The following NOX4 variants were observed in gnomAD, a reference collection of about 807,000 sequenced individuals.
NOX4 encodes the protein kidney oxidase-1.
A neutral mutation model predicts 87.6 loss-of-function variants in NOX4; 69 were observed. That is an observed-to-expected ratio of 0.79 (90% CI 0.65 to 0.96). The LOEUF (loss-of-function observed/expected upper bound fraction) is 0.96, where lower values mean the gene tolerates loss of function less well. Among genes scored for constraint, NOX4 ranks in the 40% least tolerant of loss-of-function variants. The pLI is 0.00. For synonymous variants in NOX4, 275 were observed against 238.2 expected (o/e 1.15, Z -1.42); for missense variants, 680 against 681.5 (o/e 1.00, Z 0.02).
chr11:89,371,652 T>A (rs1442047647), intron 12 of NOX4, among the ~76,000 whole-genome samples: 5 of 151,832 alleles, frequency 3.3e-5, no homozygotes, highest in Admixed American at 2.6e-4. Flanking sequence ...AGAAAAGAAC[T>A]TTCCTTATTT....
chr11:89,437,740 A>G (rs138719159), intron 6 of NOX4, among the ~76,000 whole-genome samples: 145 of 152,220 alleles, frequency 9.5e-4, no homozygotes, highest in African/African-American at 2.6e-3. Context: ...AAGACAGTAC[A>G]TGTAAGGAAA....
At chr11:89,461,635 A>G (rs1945469122) in intron 2 of NOX4, among the ~76,000 whole-genome samples, 1 of 46,538 alleles carries the variant, frequency 2.1e-5, no homozygotes, top group Non-Finnish European at 3.9e-5. Flanking sequence ...AAAGAGCAAG[A>G]CTCCATCTCA....
At chr11:89,417,482 G>C (rs1421546325) in intron 8 of NOX4, among the ~76,000 whole-genome samples, 1 of 152,088 alleles carries the variant, frequency 6.6e-6, no homozygotes, top group Non-Finnish European at 1.5e-5. Flanking sequence ...AAATTCCTCA[G>C]GAGGAAGGCT....
At chr11:89,477,589 A>T (rs889664048) in intron 2 of NOX4, among the ~76,000 whole-genome samples, 1 of 152,130 alleles carries the variant, frequency 6.6e-6, no homozygotes, top group Non-Finnish European at 1.5e-5. Flanking sequence ...AAGAAAGTAA[A>T]AGGAAGTCTG....
At chr11:89,354,738 CTCAG>C (rs1177764548) in intron 13 of NOX4, among the ~76,000 whole-genome samples, 1 of 152,164 alleles carries the variant, frequency 6.6e-6, no homozygotes, top group African/African-American at 2.4e-5. Context: ...GCGGCAGCTC[CTCAG>C]TCAAAGCTGG....
intron 11 of NOX4, among the ~76,000 whole-genome samples, chr11:89,389,196 A>C (rs2135127730): frequency 6.6e-6 from 1 of 152,278 alleles, no homozygotes; most frequent in Non-Finnish European, 1.5e-5. Flanking sequence ...TCCTTGGAAA[A>C]CCCATCAAAT....
At chr11:89,581,277 C>A in the NOX4 span, among the ~76,000 whole-genome samples, 2 of 152,132 alleles carry the variant, frequency 1.3e-5, no homozygotes, top group African/African-American at 4.8e-5. Context: ...TTAAAAAACT[C>A]AAGGTTATTC....
the NOX4 span, among the ~76,000 whole-genome samples, chr11:89,526,019 A>G: frequency 6.6e-6 from 1 of 152,132 alleles, no homozygotes; most frequent in East Asian, 1.9e-4. Flanking sequence ...TTAACCATAT[A>G]TACGTGAGTC....
At chr11:89,486,472 G>GTC (rs1020206743) in intron 2 of NOX4, among the ~76,000 whole-genome samples, 10 of 147,492 alleles carry the variant, frequency 6.8e-5, no homozygotes, top group African/African-American at 2.5e-4. Flanking sequence ...ATATGTGTGT[G>GTC]TGTGTGTGTG....
rs199918408 is a variant in NOX4, at chr11:89,405,745, T to TAA, written c.630-3205_630-3204dup. On this transcript the variant is annotated intron_variant, in intron 8 of 17. Transcript: ENST00000263317. ...CAGTATTGAAAGGCCACCTACTGGT[T>TAA]AAAAAAGAAAAAAAAAAAAAAACTT... Among the ~76,000 whole-genome samples the TAA allele has an allele frequency of 1.4e-4, 15 of 110,548 alleles. 1 individual carries two copies. The highest frequency in any genetic ancestry group is 3.9e-4 in the African/African-American group (9 of 23,242). 72.5% of individuals were successfully genotyped at this position (110,548 alleles called of 152,430 possible). A position where few individuals can be genotyped will look rare whatever the true frequency, so the allele number is the denominator to read the frequency against.
chr11:89,583,031 A>G, the NOX4 span, among the ~76,000 whole-genome samples: 1 of 152,196 alleles, frequency 6.6e-6, no homozygotes, highest in Admixed American at 6.5e-5. Flanking sequence ...ATAACATTAA[A>G]ATAATCTACA....
intron 6 of NOX4, among the ~76,000 whole-genome samples, chr11:89,439,065 T>C (rs1944343245): frequency 7.4e-6 from 1 of 134,792 alleles, no homozygotes; most frequent in East Asian, 2.1e-4. Flanking sequence ...ATACTACTAA[T>C]AGTATAATAA....
chr11:89,432,634 G>C (rs1004061105), intron 7 of NOX4, 150 bp downstream of exon 7: 1 of 542,140 alleles, frequency 1.8e-6, no homozygotes, highest in Non-Finnish European at 3.3e-6. Context: ...GAAACAAGAA[G>C]TCATGTATAG....
chr11:89,539,056 A>C, the NOX4 span, among the ~76,000 whole-genome samples: 1 of 152,254 alleles, frequency 6.6e-6, no homozygotes, highest in South Asian at 2.1e-4. Context: ...TGCCTTCTGC[A>C]GGCCAAGAAG....
At chr11:89,483,621 G>C (rs1047261151) in intron 2 of NOX4, among the ~76,000 whole-genome samples, 1 of 150,984 alleles carries the variant, frequency 6.6e-6, no homozygotes, top group African/African-American at 2.5e-5. Context: ...GAGGGGGTTG[G>C]GTAGCTGTTA....
chr11:89,558,811 T>A, the NOX4 span, among the ~76,000 whole-genome samples: 9 of 152,116 alleles, frequency 5.9e-5, no homozygotes, highest in Non-Finnish European at 1.0e-4. Flanking sequence ...TCTAGGAACC[T>A]CTCACTGGGT....
At chr11:89,429,640 C>G (rs1219527214) in intron 7 of NOX4, among the ~76,000 whole-genome samples, 1 of 152,152 alleles carries the variant, frequency 6.6e-6, no homozygotes, top group East Asian at 1.9e-4. Context: ...GAAACATACA[C>G]CCTCCCAAGA....
At chr11:89,440,584 C>T in intron 6 of NOX4, 104 bp downstream of exon 6, 3 of 675,460 alleles carry the variant, frequency 4.4e-6, no homozygotes, top group Non-Finnish European at 4.7e-6. Flanking sequence ...CTCAGCCTCC[C>T]AAAGTGCTGG....
the NOX4 span, among the ~76,000 whole-genome samples, chr11:89,534,823 C>T: frequency 2.0e-5 from 3 of 152,188 alleles, no homozygotes; most frequent in East Asian, 3.8e-4. Flanking sequence ...ACTGGATTCT[C>T]ATTTCAGTCT....
Sources: gnomAD v4.1 joint callset for allele counts (sites outside exome capture counted in the v4.1 genomes callset) on GRCh38, gnomAD v4.1.1 for gene constraint, MANE v1.5 for transcripts, NCBI Gene and HGNC (gene_info 2026-07-23, HGNC 2026-07-21) for gene names.